Variants in BCAS3 observed in about 807,000 individuals in gnomAD.
The protein encoded by BCAS3 is BCAS3 microtubule associated cell migration factor, also known as BCAS4/BCAS3 fusion.
A neutral mutation model predicts 116.1 loss-of-function variants in BCAS3; 53 were observed. The ratio of observed to expected loss-of-function variants is 0.46; its 90% CI spans 0.37 to 0.57. The LOEUF (loss-of-function observed/expected upper bound fraction) is 0.57. Ranked by LOEUF, BCAS3 falls within the 20% of genes least tolerant of loss-of-function variation. The probability of loss-of-function intolerance (pLI) is 0.00; values close to 1 mark genes in which losing one functional copy is unlikely to be tolerated. For synonymous variants in BCAS3, 391 were observed against 408.2 expected, an observed-to-expected ratio of 0.96 and a Z score of 0.51; for missense variants, 917 against 1,165.4, an observed-to-expected ratio of 0.79 and a Z score of 3.10.
intron 7 of BCAS3, among the ~76,000 whole-genome samples, chr17:60,852,817 A>G (rs1381836893): frequency 2.0e-5 from 3 of 152,252 alleles, no homozygotes; most frequent in Non-Finnish European, 4.4e-5. Flanking sequence ...AAGAGGTGGA[A>G]TAACAGGAAT....
rs964922611 is a variant in BCAS3 at position 61,113,942 on chromosome 17, A to G, written c.2425+29378A>G. 2.2e-3 allele frequency among the ~76,000 whole-genome samples: 286 copies of G among 129,160 alleles called. 2 individuals are homozygous for G. The highest frequency in any genetic ancestry group is 8.0e-3 in the African/African-American group (278 of 34,728). 84.7% of individuals were successfully genotyped at this position (129,160 alleles called of 152,430 possible). ...TGCAAGGCTGGTTCAATATACGCAA[A>G]TCAATAAATGTAATCCAGCATATAA... On this transcript the variant is annotated intron_variant, in intron 22 of 23. Transcript: ENST00000407086.
intron 19 of BCAS3, among the ~76,000 whole-genome samples, chr17:61,064,699 G>A (rs2070429316): frequency 1.3e-5 from 2 of 152,274 alleles, no homozygotes; most frequent in East Asian, 3.9e-4. Flanking sequence ...TATATTGCCT[G>A]TGACTGTTCT....
chr17:60,901,831 T>C (rs2057914735), intron 10 of BCAS3, among the ~76,000 whole-genome samples: 1 of 152,226 alleles, frequency 6.6e-6, no homozygotes, highest in Admixed American at 6.5e-5. Flanking sequence ...TGTGGTGCAG[T>C]TCTAATACTC....
chr17:61,281,282 TTAAAG>T lies in BCAS3; in HGVS notation c.2426-87040_2426-87036del, dbSNP rs1272455446. On this transcript the variant is annotated intron_variant, in intron 22 of 23. Transcript: ENST00000407086. The surrounding 1 kb of genome is among the most constrained non-coding windows in gnomAD (Gnocchi z 4.2). Reference sequence around the variant, plus strand: ...CAATCTTTTGTCATTATAAACAGTGTTAAAGTAAATATTTTATATCTTAGGACATT... The same window carrying T: ...CAATCTTTTGTCATTATAAACAGTGTTAAATATTTTATATCTTAGGACATT... Among the ~76,000 whole-genome samples the T allele has an allele frequency of 8.5e-5, 13 of 152,236 alleles. No individual in the cohort carries two copies. The highest frequency in any genetic ancestry group is 3.1e-4 in the African/African-American group (13 of 41,468).
chr17:61,287,198 A>T (rs771638561), intron 22 of BCAS3, among the ~76,000 whole-genome samples: 5 of 151,724 alleles, frequency 3.3e-5, no homozygotes, highest in South Asian at 4.2e-4. Context: ...CAGTGAGCCG[A>T]GATCGCACCA....
intron 7 of BCAS3, among the ~76,000 whole-genome samples, chr17:60,865,684 C>T (rs1421075843): frequency 1.3e-5 from 2 of 152,094 alleles, no homozygotes; most frequent in Non-Finnish European, 2.9e-5. Context: ...ATAATGTTAT[C>T]TATAAATAGA....
rs2057303414 is a variant in BCAS3 at position 61,343,272 on chromosome 17, A to G, written c.2426-25055A>G. ...CTAAAGGTGCCATGTGGAGGAGCAG[A>G]ACAAGCCCTTCAATTGTGCACCGTT... On this transcript the variant is annotated intron_variant, in intron 22 of 23. Transcript: ENST00000407086. The surrounding 1 kb of genome is among the most constrained non-coding windows in gnomAD (Gnocchi z 5.5). Among the ~76,000 whole-genome samples the G allele has an allele frequency of 6.6e-6, 1 of 152,214 alleles. No individual in the cohort carries two copies. Among genetic ancestry groups the G allele is most frequent in the East Asian group, 1.9e-4 (1 of 5,202 alleles).
intron 4 of BCAS3, among the ~76,000 whole-genome samples, chr17:60,704,009 TAAAGC>T (rs2036791538): frequency 6.6e-6 from 1 of 151,788 alleles, no homozygotes; most frequent in South Asian, 2.1e-4. Flanking sequence ...TATGACAACT[TAAAGC>T]AAAAGGAAGG....
intron 22 of BCAS3, among the ~76,000 whole-genome samples, chr17:61,342,086 T>C (rs2057201031): frequency 6.6e-6 from 1 of 151,806 alleles, no homozygotes; most frequent in African/African-American, 2.4e-5. Flanking sequence ...CACTGCAACC[T>C]CCACCCCTCA....
At chr17:60,915,194 A>G (rs1242666164) in intron 12 of BCAS3, among the ~76,000 whole-genome samples, 1 of 152,190 alleles carries the variant, frequency 6.6e-6, no homozygotes, top group East Asian at 1.9e-4. Flanking sequence ...CTTAACCTGA[A>G]TGATGATGTA....
chr17:61,072,722 G>A (rs2071559712), intron 19 of BCAS3, among the ~76,000 whole-genome samples: 1 of 149,834 alleles, frequency 6.7e-6, no homozygotes, highest in Non-Finnish European at 1.5e-5. Context: ...ACAGTAATCT[G>A]CTGGTCCTAC....
At chr17:60,881,264 G>A (rs1019952292) in intron 9 of BCAS3, among the ~76,000 whole-genome samples, 4 of 152,100 alleles carry the variant, frequency 2.6e-5, no homozygotes, top group Admixed American at 6.5e-5. Flanking sequence ...GTGAGCCACC[G>A]CACCTGGCCT....
At position 61,208,006 on chromosome 17, in the gene BCAS3, CTT is replaced by C. The variant is rs2081245983; in HGVS notation, c.2425+123445_2425+123446del. 6.6e-6 allele frequency among the ~76,000 whole-genome samples: 1 copy of C among 152,012 alleles called. No homozygotes were observed. ...ATTAGAGGGGAAAATTACTATTAGT[CTT>C]TTATATGGAAATAACAAAAAACTTA... is the stretch of plus-strand genomic sequence containing the variant. On this transcript the variant is annotated intron_variant, in intron 22 of 23. Transcript: ENST00000407086. This position sits in a 1 kb window ranked among gnomAD's most constrained non-coding sequence, Gnocchi z 4.5.
At chr17:61,117,638 C>T (rs1399687520) in intron 22 of BCAS3, among the ~76,000 whole-genome samples, 1 of 152,074 alleles carries the variant, frequency 6.6e-6, no homozygotes, top group African/African-American at 2.4e-5. Context: ...CCACTTCATT[C>T]TTTTTTATAT....
rs2048388497 is a variant in BCAS3 at position 61,251,808 on chromosome 17, C to T, written c.2426-116519C>T. Among the ~76,000 whole-genome samples the T allele has an allele frequency of 6.6e-6, 1 of 152,156 alleles. No homozygotes were observed. Among genetic ancestry groups the T allele is most frequent in the Non-Finnish European group, 1.5e-5 (1 of 68,028 alleles). On this transcript the variant is annotated intron_variant, in intron 22 of 23. Transcript: ENST00000407086. The surrounding 1 kb of genome is among the most constrained non-coding windows in gnomAD (Gnocchi z 4.7). ...TACTGGATTATTAGACAAAGCTACC[C>T]ACTCCATCTTTGTTTATAGAACTCA...
At chr17:60,701,983 A>G (rs552586199) in intron 4 of BCAS3, among the ~76,000 whole-genome samples, 1 of 152,156 alleles carries the variant, frequency 6.6e-6, no homozygotes, top group East Asian at 1.9e-4. Context: ...CAAAAAAATA[A>G]AAAAAGAAAG....
intron 22 of BCAS3, among the ~76,000 whole-genome samples, chr17:61,191,824 T>A (rs2080148264): frequency 6.9e-6 from 1 of 144,148 alleles, no homozygotes; most frequent in Non-Finnish European, 1.5e-5. Flanking sequence ...CTTCAAAATA[T>A]CAGCAGTAAA....
chr17:61,070,399 A>ATATATATATATATTT (rs1423455439), intron 19 of BCAS3: 1 of 186,476 alleles, frequency 5.4e-6, no homozygotes, highest in Non-Finnish European at 1.0e-5. Context: ...ATATATATAT[A>ATATATATATATATTT]TCTTTTCACC....
At chr17:60,893,742 G>A (rs777113358) in intron 10 of BCAS3, among the ~76,000 whole-genome samples, 2 of 151,298 alleles carry the variant, frequency 1.3e-5, no homozygotes, top group Admixed American at 1.3e-4. Context: ...CTGAGTAGCC[G>A]GGACTATAGG....
Sources: allele counts gnomAD v4.1 joint callset (sites outside exome capture counted in the v4.1 genomes callset), GRCh38; gene constraint gnomAD v4.1.1; non-coding constraint Gnocchi (gnomAD v3.1); transcripts MANE v1.5; gene names NCBI Gene and HGNC (gene_info 2026-07-23, HGNC 2026-07-21).